The following NCAM2 variants were observed in gnomAD, a reference collection of about 807,000 sequenced individuals.
The protein encoded by NCAM2 is N-CAM-2.
NCAM2 carries 30 observed loss-of-function variants against 98.1 expected under a neutral mutation model. The ratio of observed to expected loss-of-function variants is 0.31; its 90% CI spans 0.23 to 0.41. The LOEUF is 0.41. NCAM2 is among the 10% of genes least tolerant of loss of function. NCAM2 has a pLI of 1.00. For missense variants in NCAM2, 867 were observed against 1,005.8 expected (o/e 0.86, Z 1.87); for synonymous variants, 368 against 342.4 (o/e 1.07, Z -0.83).
chr21:21,385,032 G>A (rs924687053), intron 9 of NCAM2, among the ~76,000 whole-genome samples: 2 of 150,980 alleles, frequency 1.3e-5, no homozygotes, highest in African/African-American at 2.4e-5. Context: ...TTTTTTTTAC[G>A]TTTATGCCAC....
chr21:21,072,778 C>T, intron 1 of NCAM2, among the ~76,000 whole-genome samples: 1 of 152,072 alleles, frequency 6.6e-6, no homozygotes, highest in East Asian at 1.9e-4. Flanking sequence ...TATATATTTA[C>T]AATTTTTTAA....
rs568444901 is a variant in NCAM2 at position 21,121,662 on chromosome 21, T to G, written c.55+123044T>G. Among the ~76,000 whole-genome samples the G allele has an allele frequency of 2.0e-5, 3 of 152,350 alleles. No individual in the cohort carries two copies. In the South Asian group the frequency reaches 6.2e-4, roughly 32 times the overall value. ...CTTATTTAAAGATAGAAGGATTCACTCTAGCCAGTTGAAGCAAAAAAGGAT... is the reference window on the plus strand; with the variant it reads ...CTTATTTAAAGATAGAAGGATTCACGCTAGCCAGTTGAAGCAAAAAAGGAT... On this transcript the variant is annotated intron_variant, in intron 1 of 17. Transcript: ENST00000400546.
At chr21:21,096,030 G>T (rs572159650) in intron 1 of NCAM2, among the ~76,000 whole-genome samples, 1 of 151,636 alleles carries the variant, frequency 6.6e-6, no homozygotes, top group Admixed American at 6.6e-5. Context: ...AAACAGGAAA[G>T]ACCTCAATTA....
intron 10 of NCAM2, among the ~76,000 whole-genome samples, chr21:21,413,110 C>T (rs905730927): frequency 6.6e-5 from 10 of 152,098 alleles, no homozygotes; most frequent in African/African-American, 1.7e-4. Context: ...ATAAATGCCT[C>T]TGTAATCTGT....
chr21:21,482,855 C>A (rs1986014361), intron 15 of NCAM2, among the ~76,000 whole-genome samples: 1 of 151,660 alleles, frequency 6.6e-6, no homozygotes, highest in Non-Finnish European at 1.5e-5. Flanking sequence ...CATAATCAAT[C>A]GTGTTCCTTT....
chr21:21,242,267 T>C (rs2071092508), intron 1 of NCAM2, among the ~76,000 whole-genome samples: 1 of 152,128 alleles, frequency 6.6e-6, no homozygotes, highest in Admixed American at 6.5e-5. Context: ...CTTTGATATA[T>C]GTGTACATAG....
At chr21:21,234,873 C>A (rs182819088) in intron 1 of NCAM2, among the ~76,000 whole-genome samples, 34 of 152,102 alleles carry the variant, frequency 2.2e-4, no homozygotes, top group Admixed American at 2.2e-3. Context: ...TCAGTAGATT[C>A]TTTTTCAATT....
At chr21:21,507,630 A>G (rs1455368127) in intron 15 of NCAM2, among the ~76,000 whole-genome samples, 1 of 151,892 alleles carries the variant, frequency 6.6e-6, no homozygotes, top group Non-Finnish European at 1.5e-5. Flanking sequence ...CGTTTCTACT[A>G]AAAACACAAA....
intron 1 of NCAM2, among the ~76,000 whole-genome samples, chr21:21,238,862 T>A (rs1279077252): frequency 2.6e-5 from 4 of 152,146 alleles, no homozygotes; most frequent in Admixed American, 2.6e-4. Context: ...CAAATATGTA[T>A]TAAAATACTG....
chr21:21,117,865 A>T (rs1382633088), intron 1 of NCAM2, among the ~76,000 whole-genome samples: 1 of 152,186 alleles, frequency 6.6e-6, no homozygotes, highest in African/African-American at 2.4e-5. Context: ...TTAAACAAGG[A>T]TATGGCTTAG....
chr21:21,396,729 G>C (rs950794473), intron 9 of NCAM2, among the ~76,000 whole-genome samples: 6 of 152,162 alleles, frequency 3.9e-5, no homozygotes, highest in Non-Finnish European at 5.9e-5. Flanking sequence ...GGCTTCCACT[G>C]TGGGCACAAG....
intron 8 of NCAM2, among the ~76,000 whole-genome samples, chr21:21,342,723 G>A (rs543221847): frequency 6.6e-5 from 10 of 152,200 alleles, no homozygotes; most frequent in Non-Finnish European, 1.5e-4. Context: ...TAGGCACTCT[G>A]TCTTGATGGG....
chr21:21,050,664 G>A (rs112857086), intron 1 of NCAM2, among the ~76,000 whole-genome samples: 137 of 152,190 alleles, frequency 9.0e-4, no homozygotes, highest in South Asian at 5.4e-3. Context: ...TGATATTGGA[G>A]ATCTAACAAG....
intron 1 of NCAM2, among the ~76,000 whole-genome samples, chr21:21,067,092 A>G (rs1313453511): frequency 1.3e-5 from 2 of 151,624 alleles, no homozygotes; most frequent in Non-Finnish European, 2.9e-5. Flanking sequence ...ACTTTTTTAA[A>G]TTATTGCTAA....
chr21:21,096,103 T>A (rs2066117315), intron 1 of NCAM2, among the ~76,000 whole-genome samples: 1 of 151,700 alleles, frequency 6.6e-6, no homozygotes, highest in Non-Finnish European at 1.5e-5. Context: ...GAAAACCTCT[T>A]AACTATTATT....
At chr21:21,362,532 A>G (rs1338800490) in intron 8 of NCAM2, among the ~76,000 whole-genome samples, 2 of 152,068 alleles carry the variant, frequency 1.3e-5, no homozygotes, top group Non-Finnish European at 2.9e-5. Context: ...AGCTGGGACT[A>G]CAGGCACATG....
chr21:21,292,446 T>C (rs76939234), intron 5 of NCAM2, among the ~76,000 whole-genome samples: 2 of 151,930 alleles, frequency 1.3e-5, no homozygotes, highest in South Asian at 4.1e-4. Context: ...TACATTGTCA[T>C]TCTCATAACC....
intron 16 of NCAM2, among the ~76,000 whole-genome samples, chr21:21,526,609 A>C (rs1452408523): frequency 1.3e-5 from 2 of 152,142 alleles, no homozygotes; most frequent in African/African-American, 2.4e-5. Context: ...CATTATATGA[A>C]TATTGACAAA....
chr21:21,307,873 G>GAT (rs2073933084), intron 5 of NCAM2, among the ~76,000 whole-genome samples: 1 of 152,078 alleles, frequency 6.6e-6, no homozygotes, highest in African/African-American at 2.4e-5. Context: ...CAGATGAAAA[G>GAT]GGGATCATGT....
Sources: gnomAD v4.1 joint callset for allele counts (sites outside exome capture counted in the v4.1 genomes callset) on GRCh38, gnomAD v4.1.1 for gene constraint, MANE v1.5 for transcripts, NCBI Gene and HGNC (gene_info 2026-07-23, HGNC 2026-07-21) for gene names.